Variants in MARCHF3 observed in about 807,000 individuals in gnomAD.
MARCHF3 encodes membrane associated ring-CH-type finger 3, also known as E3 ubiquitin-protein ligase MARCHF3.
In MARCHF3, 13 loss-of-function variants were observed where a neutral mutation model predicts 24.2. The observed-to-expected ratio is 0.54, with a 90% confidence interval of 0.35 to 0.85. MARCHF3 has a LOEUF of 0.85. Among genes scored for constraint, MARCHF3 ranks in the 40% least tolerant of loss-of-function variants. The pLI, the probability that MARCHF3 is intolerant of heterozygous loss-of-function variation, is 0.01. For missense variants in MARCHF3, 276 were observed against 325.0 expected (o/e 0.85, Z 1.16); for synonymous variants, 144 against 137.3 (o/e 1.05, Z -0.34).
intron 3 of MARCHF3, among the ~76,000 whole-genome samples, chr5:126,909,411 C>A (rs1754428625): frequency 6.6e-6 from 1 of 152,250 alleles, no homozygotes; most frequent in South Asian, 2.1e-4. Context: ...GGGCGCCCCT[C>A]CCCCAGCCTC....
At chr5:127,004,108 A>G (rs1344102684) in intron 1 of MARCHF3, among the ~76,000 whole-genome samples, 1 of 152,190 alleles carries the variant, frequency 6.6e-6, no homozygotes, top group Non-Finnish European at 1.5e-5. Context: ...GTTCCACAGG[A>G]ACAAATGAGC....
chr5:126,971,764 C>A (rs901449587), intron 1 of MARCHF3, among the ~76,000 whole-genome samples: 4 of 152,204 alleles, frequency 2.6e-5, no homozygotes, highest in Non-Finnish European at 4.4e-5. Context: ...CAGTAAGTGA[C>A]AATTAGTCAC....
chr5:126,895,752 C>T (rs1753863030), intron 3 of MARCHF3, among the ~76,000 whole-genome samples: 1 of 152,158 alleles, frequency 6.6e-6, no homozygotes, highest in South Asian at 2.1e-4. Flanking sequence ...GCAGAGGTTA[C>T]TGCTGTCTTT....
Position 126,869,421 on chromosome 5 carries a change from T to C in MARCHF3, c.*1212A>G, listed in dbSNP as rs1752886493. On this transcript the variant is annotated 3_prime_UTR_variant, in exon 5 of 5. Transcript: ENST00000308660. ...AATGCAGGCTGCGGATCAGACCCTT[T>C]ACACTGCGACGGATAAAAGAGGGAC... is the stretch of plus-strand genomic sequence containing the variant. 1 of 152,088 alleles carries C rather than the reference T, an allele frequency of 6.6e-6. No individual in the cohort carries two copies. The highest frequency in any genetic ancestry group is 1.5e-5 in the Non-Finnish European group (1 of 68,038). 9.4% of individuals were successfully genotyped at this position (152,088 alleles called of 1,614,324 possible). A position where few individuals can be genotyped will look rare whatever the true frequency, so the allele number is the denominator to read the frequency against.
At chr5:127,014,311 G>C (rs925077973) in intron 1 of MARCHF3, among the ~76,000 whole-genome samples, 1 of 152,070 alleles carries the variant, frequency 6.6e-6, no homozygotes, top group Non-Finnish European at 1.5e-5. Context: ...ACTCACCCCA[G>C]ATACGATGGC....
intron 1 of MARCHF3, among the ~76,000 whole-genome samples, chr5:126,983,319 T>TG (rs1751452678): frequency 6.6e-6 from 1 of 152,154 alleles, no homozygotes. Flanking sequence ...GGCGATCTGG[T>TG]GGGCCTTGGT....
At chr5:127,005,794 AACATACATTTATGT>A (rs746842247) in intron 1 of MARCHF3, among the ~76,000 whole-genome samples, 127 of 152,328 alleles carry the variant, frequency 8.3e-4, no homozygotes, top group Non-Finnish European at 1.3e-3. Flanking sequence ...ATGCATACTT[AACATACATTTATGT>A]ACATACATGT....
At chr5:126,927,652 C>T (rs557191170) in intron 1 of MARCHF3, among the ~76,000 whole-genome samples, 2 of 152,318 alleles carry the variant, frequency 1.3e-5, no homozygotes, top group Non-Finnish European at 2.9e-5. Flanking sequence ...GACCGGCATG[C>T]TGTCTCCACA....
intron 1 of MARCHF3, among the ~76,000 whole-genome samples, chr5:126,919,786 C>A (rs555822449): frequency 1.2e-4 from 19 of 152,342 alleles, no homozygotes; most frequent in African/African-American, 4.3e-4. Flanking sequence ...GCACCAGCAG[C>A]CTCCCTTTCC....
At chr5:126,881,866 GACAC>G (rs1422592450) in intron 3 of MARCHF3, among the ~76,000 whole-genome samples, 4 of 152,152 alleles carry the variant, frequency 2.6e-5, no homozygotes, top group Non-Finnish European at 5.9e-5. Context: ...GAGAGAGACA[GACAC>G]ACAGAGTGAG....
intron 1 of MARCHF3, among the ~76,000 whole-genome samples, chr5:126,983,693 C>T (rs1374809845): frequency 6.6e-6 from 1 of 151,210 alleles, no homozygotes; most frequent in African/African-American, 2.5e-5. Flanking sequence ...GGAGCCAGGT[C>T]CCTCGCTTTC....
At chr5:127,004,286 G>C (rs1181282707) in intron 1 of MARCHF3, among the ~76,000 whole-genome samples, 1 of 152,080 alleles carries the variant, frequency 6.6e-6, no homozygotes, top group African/African-American at 2.4e-5. Context: ...CATTAAAGTG[G>C]AAATGGCCCT....
intron 1 of MARCHF3, among the ~76,000 whole-genome samples, chr5:127,027,149 C>G (rs1753024730): frequency 6.6e-6 from 1 of 152,158 alleles, no homozygotes; most frequent in Admixed American, 6.5e-5. Flanking sequence ...TCACAGTGCT[C>G]TCAGTGAAAG....
At chr5:126,911,277 T>C (rs1282860091) in intron 3 of MARCHF3, among the ~76,000 whole-genome samples, 1 of 152,168 alleles carries the variant, frequency 6.6e-6, no homozygotes, top group Non-Finnish European at 1.5e-5. Flanking sequence ...ACCCTTTTCG[T>C]AGACTCCCTC....
intron 1 of MARCHF3, among the ~76,000 whole-genome samples, chr5:126,921,101 C>G (rs749545885): frequency 6.6e-6 from 1 of 151,656 alleles, no homozygotes; most frequent in Admixed American, 6.6e-5. Context: ...AATGATAGTC[C>G]GGTCCAGCAT....
intron 1 of MARCHF3, among the ~76,000 whole-genome samples, chr5:126,941,583 A>C (rs1749832629): frequency 1.3e-5 from 2 of 152,252 alleles, no homozygotes. Context: ...GTAGAATCTG[A>C]ATAAAGCAGA....
intron 3 of MARCHF3, among the ~76,000 whole-genome samples, chr5:126,884,423 G>A (rs1753443230): frequency 6.6e-6 from 1 of 152,144 alleles, no homozygotes; most frequent in Admixed American, 6.5e-5. Context: ...ACTTTACAGA[G>A]TATTTGCTCA....
At chr5:126,938,644 T>C (rs1296125209) in intron 1 of MARCHF3, among the ~76,000 whole-genome samples, 1 of 152,168 alleles carries the variant, frequency 6.6e-6, no homozygotes, top group Non-Finnish European at 1.5e-5. Context: ...TCTTCATATT[T>C]GTGAGTCATC....
intron 4 of MARCHF3, among the ~76,000 whole-genome samples, chr5:126,871,629 A>T (rs898984691): frequency 6.6e-6 from 1 of 152,108 alleles, no homozygotes; most frequent in South Asian, 2.1e-4. Context: ...ATTGCTCAAG[A>T]GAGTTTGCTG....
Sources: gnomAD v4.1 joint callset for allele counts (sites outside exome capture counted in the v4.1 genomes callset) on GRCh38, gnomAD v4.1.1 for gene constraint, MANE v1.5 for transcripts, NCBI Gene and HGNC (gene_info 2026-07-23, HGNC 2026-07-21) for gene names.